The following MMD2 variants were observed in gnomAD, a reference collection of about 807,000 sequenced individuals.
The protein encoded by MMD2 is monocyte to macrophage differentiation associated 2.
In MMD2, 30 loss-of-function variants were observed where a neutral mutation model predicts 33.5. That is an observed-to-expected ratio of 0.90 (90% confidence interval 0.67 to 1.22). MMD2 has a LOEUF of 1.22. MMD2 is among the 50% of genes most tolerant of loss of function. MMD2 has a pLI of 0.00. For synonymous variants in MMD2, 129 were observed against 123.0 expected, an observed-to-expected ratio of 1.05 and a Z score of -0.32; for missense variants, 364 against 325.4, an observed-to-expected ratio of 1.12 and a Z score of -0.91.
chr7:4,955,077 A>T (rs541289504), intron 1 of MMD2, among the ~76,000 whole-genome samples: 1 of 152,280 alleles, frequency 6.6e-6, no homozygotes, highest in Admixed American at 6.5e-5. Flanking sequence ...AGTGTTCTCA[A>T]TCTCCTGGCC....
chr7:4,924,085 G>A lies in MMD2; in HGVS notation c.129+1366C>T, dbSNP rs530476347. On this transcript the variant is annotated intron_variant, in intron 2 of 6. Transcript: ENST00000401401. The stretch of plus-strand genomic sequence containing the variant: ...CGGGCGCCTGTAGTCCCAGCTACTC[G>A]GGAGGCTGAGGCAGGAGAATGGCAT... Among the ~76,000 whole-genome samples, 4 of 152,222 alleles carry A rather than the reference G, an allele frequency of 2.6e-5. No homozygotes were observed. In the South Asian group the frequency reaches 8.3e-4, roughly 32 times the overall value.
rs1231726726 is a variant in MMD2 at position 4,940,315 on chromosome 7, G to A, written c.48-14783C>T. 6.6e-6 allele frequency among the ~76,000 whole-genome samples: 1 copy of A among 152,184 alleles called. No individual in the cohort carries two copies. The highest frequency in any genetic ancestry group is 6.5e-5 in the Admixed American group (1 of 15,276). On this transcript the variant is annotated intron_variant, in intron 1 of 6. Transcript: ENST00000401401. This position sits in a 1 kb window ranked among gnomAD's most constrained non-coding sequence, Gnocchi z 5.0. Reference sequence around the variant, plus strand: ...CCCTCTCTCTCTCTGGCCTGACCCAGCTGGGGTCTATGGCCCCCAGAAAGA... The same window carrying A: ...CCCTCTCTCTCTCTGGCCTGACCCAACTGGGGTCTATGGCCCCCAGAAAGA...
intron 1 of MMD2, among the ~76,000 whole-genome samples, chr7:4,955,824 G>A (rs2115167691): frequency 6.6e-6 from 1 of 152,292 alleles, no homozygotes; most frequent in East Asian, 1.9e-4. Flanking sequence ...AAGCCAAGGT[G>A]GGTGGATCAT....
At chr7:4,958,882 CG>C in intron 1 of MMD2, 88 bp downstream of exon 1, 1 of 1,147,212 alleles carries the variant, frequency 8.7e-7, no homozygotes, top group Non-Finnish European at 1.1e-6. Context: ...CTCCGGGCGG[CG>C]GGGCCCGAGA....
At position 4,920,261 on chromosome 7, in the gene MMD2, A is replaced by T; in HGVS notation, c.200T>A (p.Ile67Asn). 1.2e-6 allele frequency: 2 copies of T among 1,604,542 alleles called. No homozygotes were observed. The highest frequency in any genetic ancestry group is 1.7e-6 in the Non-Finnish European group (2 of 1,176,042). Residue 67 changes from isoleucine (I) to asparagine (N), a missense_variant, in exon 3 of 7, where the codon ATC (isoleucine) becomes AAC (asparagine). Coordinates refer to ENST00000401401, the MANE Select transcript of MMD2 (RefSeq NM_198403.4). ...YFLSDDDWET[I>N]SAWIYGLGLC... ...GCCGAGGCCGTAGATCCAGGCAGAG[A>T]TGGTCTCCCAGTCATCGTCCGACAG...
At chr7:4,907,702 G>C in intron 6 of MMD2, 103 bp from the exon 7 acceptor site, 4 of 1,111,200 alleles carry the variant, frequency 3.6e-6, no homozygotes, top group Non-Finnish European at 5.3e-6. Flanking sequence ...CATGCAGATG[G>C]CAAACCAGCC....
At chr7:4,918,479 CTTTCTTT>C (rs1416982150) in intron 3 of MMD2, among the ~76,000 whole-genome samples, 17 of 132,896 alleles carry the variant, frequency 1.3e-4, no homozygotes, top group Admixed American at 4.5e-4. Flanking sequence ...TCTTTTCTTT[CTTTCTTT>C]TTTTTTTTTT....
At chr7:4,922,952 C>A (rs531047888) in intron 2 of MMD2, among the ~76,000 whole-genome samples, 23 of 152,276 alleles carry the variant, frequency 1.5e-4, no homozygotes, top group African/African-American at 5.3e-4. Flanking sequence ...GGGCCTGGTA[C>A]CTGTGACTCA....
In MMD2 at chr7:4,936,702, C is replaced by A. The variant is rs570418603; in HGVS notation, c.48-11170G>T. 2.6e-5 allele frequency among the ~76,000 whole-genome samples: 4 copies of A among 151,912 alleles called. No individual in the cohort carries two copies. The East Asian group carries it at 7.8e-4, about 30-fold the overall frequency. On this transcript the variant is annotated intron_variant, in intron 1 of 6. Coordinates refer to ENST00000401401, the MANE Select transcript of MMD2 (RefSeq NM_198403.4). ...GCCATCACAACCAGCCTAAAAAATG[C>A]TAAAATTATACAGGAAATGTTTGCC... is the stretch of plus-strand genomic sequence containing the variant.
chr7:4,936,897 G>A (rs1240799679), intron 1 of MMD2, among the ~76,000 whole-genome samples: 1 of 151,388 alleles, frequency 6.6e-6, no homozygotes, highest in African/African-American at 2.4e-5. Flanking sequence ...ACTACACCTG[G>A]CTAATTTTTT....
chr7:4,925,019 C>G (rs1474306612), intron 2 of MMD2, among the ~76,000 whole-genome samples: 6 of 152,138 alleles, frequency 3.9e-5, no homozygotes, highest in African/African-American at 1.4e-4. Flanking sequence ...CAACCTCCGA[C>G]TCCTGGGTTC....
intron 6 of MMD2, among the ~76,000 whole-genome samples, chr7:4,908,860 G>A (rs1469932328): frequency 1.3e-5 from 2 of 149,098 alleles, no homozygotes; most frequent in Admixed American, 6.7e-5. Context: ...TCGTGCCACT[G>A]CATTCCACGC....
chr7:4,915,687 C>T (rs951874260), intron 4 of MMD2, among the ~76,000 whole-genome samples: 1 of 150,010 alleles, frequency 6.7e-6, no homozygotes, highest in African/African-American at 2.5e-5. Context: ...TTGCAGTGAG[C>T]CAAGACCTCG....
chr7:4,922,211 G>C (rs1390153049), intron 2 of MMD2, among the ~76,000 whole-genome samples: 1 of 151,922 alleles, frequency 6.6e-6, no homozygotes, highest in African/African-American at 2.4e-5. Flanking sequence ...GGGTGACAGA[G>C]AGAGATTCCA....
rs1420733353 is a variant in MMD2 at position 4,907,511 on chromosome 7, G to A, written c.626C>T (p.Pro209Leu). 6.2e-7 allele frequency: 1 copy of A among 1,613,900 alleles called. No individual in the cohort carries two copies. Among genetic ancestry groups the A allele is most frequent in the African/African-American group, 1.3e-5 (1 of 75,066 alleles). Residue 209 changes from proline (P) to leucine (L), a missense_variant, in exon 7 of 7, where the codon CCC becomes CTC. Coordinates refer to ENST00000401401, the MANE Select transcript of MMD2 (RefSeq NM_198403.4). ...MVFFKSDGRI[P>L]FAHAIWHLFV... is the part of the protein sequence containing the mutation. ...GAGATGCCAGATGGCGTGGGCAAAG[G>A]GGATCCTCCCGTCACTCTTGAAGAA...
intron 1 of MMD2, among the ~76,000 whole-genome samples, chr7:4,952,050 G>C (rs1786259506): frequency 6.6e-6 from 1 of 152,272 alleles, no homozygotes; most frequent in South Asian, 2.1e-4. Context: ...CAAGGTTTTT[G>C]AGTGCATCAG....
intron 5 of MMD2, 149 bp from the exon 6 acceptor site, chr7:4,910,099 G>C (rs911545949): frequency 1.5e-4 from 226 of 1,557,916 alleles, no homozygotes; most frequent in Non-Finnish European, 1.8e-4. Context: ...CCTTGGCTCA[G>C]ATTTCACCCA....
chr7:4,931,308 G>C (rs1384982183), intron 1 of MMD2, among the ~76,000 whole-genome samples: 1 of 151,562 alleles, frequency 6.6e-6, no homozygotes, highest in African/African-American at 2.4e-5. Context: ...ACCACACCCG[G>C]CTAATTTATT....
At chr7:4,955,423 A>C (rs1200689994) in intron 1 of MMD2, among the ~76,000 whole-genome samples, 1 of 152,232 alleles carries the variant, frequency 6.6e-6, no homozygotes, top group Non-Finnish European at 1.5e-5. Context: ...AATGTCACAC[A>C]GAATTTAATT....
Sources: gnomAD v4.1 joint callset for allele counts (sites outside exome capture counted in the v4.1 genomes callset) on GRCh38, gnomAD v4.1.1 for gene constraint, Gnocchi (gnomAD v3.1) non-coding constraint, MANE v1.5 for transcripts, NCBI Gene and HGNC (gene_info 2026-07-23, HGNC 2026-07-21) for gene names.